SSH2: variants seen among roughly 807,000 people sequenced by gnomAD.
SSH2 encodes protein phosphatase Slingshot homolog 2.
Under a neutral mutation model 135.2 loss-of-function variants are expected in SSH2, and 37 were observed. The ratio of observed to expected loss-of-function variants is 0.27; its 90% CI spans 0.21 to 0.36. The LOEUF is 0.36. SSH2 is among the 10% of genes least tolerant of loss of function. The pLI, the probability that SSH2 is intolerant of heterozygous loss-of-function variation, is 1.00. For missense variants in SSH2, 1,408 were observed against 1,765.3 expected, an observed-to-expected ratio of 0.80 and a Z score of 3.63; for synonymous variants, 628 against 646.2, an observed-to-expected ratio of 0.97 and a Z score of 0.43.
At chr17:29,824,653 C>T (rs2042713685) in intron 2 of SSH2, among the ~76,000 whole-genome samples, 2 of 152,224 alleles carry the variant, frequency 1.3e-5, no homozygotes, top group South Asian at 4.2e-4. Flanking sequence ...ACCTACCAAC[C>T]TGAACAAAAC....
intron 3 of SSH2, among the ~76,000 whole-genome samples, chr17:29,762,765 G>A (rs2041353378): frequency 6.6e-6 from 1 of 152,132 alleles, no homozygotes; most frequent in African/African-American, 2.4e-5. Context: ...CATGGTGCAG[G>A]CATTCAATAG....
intron 11 of SSH2, among the ~76,000 whole-genome samples, chr17:29,656,658 G>A (rs1013898154): frequency 8.5e-5 from 13 of 152,110 alleles, no homozygotes; most frequent in African/African-American, 2.7e-4. Context: ...TGATGATCTG[G>A]AGGACACAAT....
chr17:29,889,620 TAAAG>T (rs1036261054), intron 1 of SSH2, among the ~76,000 whole-genome samples: 16 of 151,356 alleles, frequency 1.1e-4, no homozygotes, highest in African/African-American at 3.4e-4. Context: ...GAGTACACCA[TAAAG>T]AAAGAAAAAA....
chr17:29,780,692 G>C (rs1319032252), intron 3 of SSH2: 1 of 151,818 alleles, frequency 6.6e-6, no homozygotes, highest in Non-Finnish European at 1.5e-5. Context: ...CAAAGTGCTG[G>C]GATTACAGGT....
intron 3 of SSH2, among the ~76,000 whole-genome samples, chr17:29,739,313 G>A (rs2040480083): frequency 6.6e-6 from 1 of 152,124 alleles, no homozygotes; most frequent in Admixed American, 6.5e-5. Context: ...TGCTTGAAGG[G>A]TCCCAGAATT....
intron 3 of SSH2, among the ~76,000 whole-genome samples, chr17:29,748,794 A>T (rs898670533): frequency 6.6e-5 from 10 of 152,248 alleles, no homozygotes; most frequent in Non-Finnish European, 1.0e-4. Context: ...TTCAGAGCAC[A>T]GAAAAAAATG....
At chr17:29,784,899 C>T (rs1444634977) in intron 3 of SSH2, among the ~76,000 whole-genome samples, 1 of 152,146 alleles carries the variant, frequency 6.6e-6, no homozygotes, top group Non-Finnish European at 1.5e-5. Context: ...CTCTGGCCCA[C>T]ATTGCTTTTT....
chr17:29,636,953 T>G, intron 14 of SSH2, 151 bp from the exon 15 acceptor site: 1 of 619,454 alleles, frequency 1.6e-6, no homozygotes, highest in African/African-American at 1.8e-5. Flanking sequence ...AAAAGACAAT[T>G]TAATAGCAAA....
intron 11 of SSH2, among the ~76,000 whole-genome samples, chr17:29,660,705 T>C (rs1169314929): frequency 6.6e-6 from 1 of 152,104 alleles, no homozygotes; most frequent in Non-Finnish European, 1.5e-5. Context: ...TCATAAATCC[T>C]CCTGCAGACT....
chr17:29,925,800 GTTAA>G (rs1178378905), intron 1 of SSH2, among the ~76,000 whole-genome samples: 8 of 151,896 alleles, frequency 5.3e-5, no homozygotes, highest in African/African-American at 1.2e-4. Context: ...AGTGATAGAT[GTTAA>G]TTAGCCTGAC....
chr17:29,697,760 T>C (rs1222239494), intron 4 of SSH2, among the ~76,000 whole-genome samples: 1 of 152,196 alleles, frequency 6.6e-6, no homozygotes, highest in Non-Finnish European at 1.5e-5. Flanking sequence ...ATTTTCAAAA[T>C]TAAAATGGAG....
rs147916143 is a variant in SSH2, at chr17:29,683,638, A to G, written c.479+925T>C. On this transcript the variant is annotated intron_variant, in intron 6 of 15. Transcript: ENST00000540801. ...CCAAAGTGAATCATTACTGACTACA[A>G]TAGAGTAGGCCAGGTGCAAGGCTCA... Among the ~76,000 whole-genome samples the G allele has an allele frequency of 3.3e-5, 5 of 152,284 alleles. No homozygotes were observed. In the East Asian group the frequency reaches 9.6e-4, roughly 29 times the overall value.
At chr17:29,769,114 C>G (rs2041512558) in intron 3 of SSH2, among the ~76,000 whole-genome samples, 1 of 152,122 alleles carries the variant, frequency 6.6e-6, no homozygotes, top group Non-Finnish European at 1.5e-5. Context: ...TATAAACAAT[C>G]CTATGATTCT....
intron 2 of SSH2, among the ~76,000 whole-genome samples, chr17:29,846,316 G>A (rs1345652715): frequency 6.6e-6 from 1 of 152,184 alleles, no homozygotes; most frequent in African/African-American, 2.4e-5. Flanking sequence ...TTACAGGCAT[G>A]AGCCACTGTG....
intron 1 of SSH2, among the ~76,000 whole-genome samples, chr17:29,859,301 TTTTTAAC>T (rs1372685181): frequency 6.6e-6 from 1 of 152,196 alleles, no homozygotes; most frequent in African/African-American, 2.4e-5. Flanking sequence ...TCTTTCTCTT[TTTTTAAC>T]TTTTAAGTTC....
At chr17:29,785,752 G>A (rs1030494193) in intron 3 of SSH2, among the ~76,000 whole-genome samples, 1 of 150,924 alleles carries the variant, frequency 6.6e-6, no homozygotes, top group Non-Finnish European at 1.5e-5. Flanking sequence ...ACCCACCTCG[G>A]CTTCTCAAAG....
chr17:29,793,224 T>C (rs2042102550), intron 3 of SSH2, among the ~76,000 whole-genome samples: 1 of 152,194 alleles, frequency 6.6e-6, no homozygotes, highest in African/African-American at 2.4e-5. Flanking sequence ...TGTTTTCTTT[T>C]AATGTTACTG....
At chr17:29,661,277 A>G (rs187027510) in intron 11 of SSH2, among the ~76,000 whole-genome samples, 1 of 152,236 alleles carries the variant, frequency 6.6e-6, no homozygotes, top group African/African-American at 2.4e-5. Flanking sequence ...TCCTTCTAGA[A>G]TTAGATCAGA....
intron 1 of SSH2, among the ~76,000 whole-genome samples, chr17:29,917,805 A>G (rs1341233339): frequency 6.6e-6 from 1 of 151,938 alleles, no homozygotes; most frequent in African/African-American, 2.4e-5. Context: ...CAGTGAGCCG[A>G]GATTGCGCCA....
Sources: allele counts gnomAD v4.1 joint callset (sites outside exome capture counted in the v4.1 genomes callset), GRCh38; gene constraint gnomAD v4.1.1; transcripts MANE v1.5; gene names NCBI Gene and HGNC (gene_info 2026-07-23, HGNC 2026-07-21).